SAFB2: variants seen among roughly 807,000 people sequenced by gnomAD.
SAFB2 encodes scaffold attachment factor B2.
Under a neutral mutation model 100.6 loss-of-function variants are expected in SAFB2, and 32 were observed. The ratio of observed to expected loss-of-function variants is 0.32; its 90% CI spans 0.24 to 0.43. The LOEUF (loss-of-function observed/expected upper bound fraction) is 0.43, where lower values mean the gene tolerates loss of function less well. Among genes scored for constraint, SAFB2 ranks in the 20% least tolerant of loss-of-function variants. The probability of loss-of-function intolerance (pLI) is 1.00; values close to 1 mark genes in which losing one functional copy is unlikely to be tolerated. For synonymous variants in SAFB2, 500 were observed against 439.4 expected (o/e 1.14, Z -1.72); for missense variants, 1,185 against 1,163.4 (o/e 1.02, Z -0.27).
intron 9 of SAFB2, among the ~76,000 whole-genome samples, chr19:5,607,259 TCAAAAACAAA>T (rs1423824661): frequency 1.3e-5 from 2 of 151,504 alleles, no homozygotes; most frequent in African/African-American, 4.9e-5. Flanking sequence ...AGACTCCGTC[TCAAAAACAAA>T]CAAAAACAAA....
Position 5,616,405 on chromosome 19 carries a change from A to G in SAFB2, c.339+17T>C. 6.2e-7 allele frequency: 1 copy of G among 1,613,220 alleles called. No homozygotes were observed. Among genetic ancestry groups the G allele is most frequent in the Non-Finnish European group, 8.5e-7 (1 of 1,179,716 alleles). On this transcript the variant is annotated intron_variant, in intron 3 of 20. Coordinates refer to ENST00000252542, the MANE Select transcript of SAFB2 (RefSeq NM_014649.3). Reference sequence around the variant, plus strand: ...CAGGGAGCTGCTGCTTGTCATCTCTACCCTGACATCACTTACCTGCCCGTC... The same window carrying G: ...CAGGGAGCTGCTGCTTGTCATCTCTGCCCTGACATCACTTACCTGCCCGTC...
At chr19:5,616,643 C>CTTTTTTTTTT (rs60033130) in intron 2 of SAFB2, among the ~76,000 whole-genome samples, 157 bp from the exon 3 acceptor site, 1 of 72,808 alleles carries the variant, frequency 1.4e-5, no homozygotes, top group Non-Finnish European at 2.4e-5. Context: ...AATTTGTTTT[C>CTTTTTTTTTT]TTTTTTTTTT....
intron 18 of SAFB2, among the ~76,000 whole-genome samples, chr19:5,589,778 G>C (rs966378084): frequency 1.3e-5 from 2 of 152,222 alleles, no homozygotes; most frequent in Non-Finnish European, 2.9e-5. Flanking sequence ...ACCTGGCCCA[G>C]TGTCCTCAGC....
At chr19:5,593,550 G>C (rs2052462448) in intron 15 of SAFB2, 2 of 249,248 alleles carry the variant, frequency 8.0e-6, no homozygotes, top group Non-Finnish European at 1.5e-5. Context: ...GCCAACTTGG[G>C]CCTAACGGGC....
In SAFB2 at chr19:5,587,822, CAT is replaced by C. The variant is rs757621328; in HGVS notation, c.2638+44_2638+45del. ...CCGTTCCTGGGGAAGCCCCTGGACA[CAT>C]GTGGGGGCCACAGCCACCCTCGTCC... On this transcript the variant is annotated intron_variant, in intron 19 of 20. Transcript: ENST00000252542. The surrounding 1 kb of genome is among the most constrained non-coding windows in gnomAD (Gnocchi z 4.9). 13 of 1,574,604 alleles carry C rather than the reference CAT, an allele frequency of 8.3e-6. No individual in the cohort carries two copies. The highest frequency in any genetic ancestry group is 4.6e-5 in the South Asian group (4 of 86,742).
chr19:5,617,870 A>C (rs1260143712), intron 2 of SAFB2, among the ~76,000 whole-genome samples: 1 of 152,086 alleles, frequency 6.6e-6, no homozygotes, highest in Non-Finnish European at 1.5e-5. Context: ...GTGTAGGCAC[A>C]GTGGTTCACG....
At chr19:5,610,421 G>A in intron 8 of SAFB2, 1 of 598,024 alleles carries the variant, frequency 1.7e-6, no homozygotes, top group South Asian at 2.1e-5. Context: ...CTTGTAATGT[G>A]CTTTTCACCA....
At chr19:5,610,798 T>C (rs1484736717) in intron 7 of SAFB2, 110 bp from the exon 8 acceptor site, 5 of 842,836 alleles carry the variant, frequency 5.9e-6, no homozygotes, top group Non-Finnish European at 9.1e-6. Context: ...TAGTCTGAAA[T>C]AAAATTTTAA....
chr19:5,600,309 A>T (rs775746455), intron 11 of SAFB2, 49 bp from the exon 12 acceptor site: 2 of 1,600,698 alleles, frequency 1.2e-6, no homozygotes, highest in Non-Finnish European at 1.7e-6. Flanking sequence ...ACTCTGTAAC[A>T]GGAACGGCTC....
chr19:5,613,444 C>A (rs1461818128), intron 5 of SAFB2, 21 bp downstream of exon 5: 1 of 1,602,598 alleles, frequency 6.2e-7, no homozygotes, highest in South Asian at 1.1e-5. Context: ...TCCAGCGATG[C>A]AGAACCAGAT....
chr19:5,607,062 C>A lies in SAFB2; in HGVS notation c.1297-2126G>T, dbSNP rs2052791275. On this transcript the variant is annotated intron_variant, in intron 9 of 20. Transcript: ENST00000252542. ...GGATCACGAGGTCAGGAGATCAAGACCATCCTGACTAACACAGTGAAACCC... is the reference window on the plus strand; with the variant it reads ...GGATCACGAGGTCAGGAGATCAAGAACATCCTGACTAACACAGTGAAACCC... 2.6e-5 allele frequency among the ~76,000 whole-genome samples: 4 copies of A among 152,106 alleles called. No homozygotes were observed. The South Asian group carries it at 8.3e-4, about 32-fold the overall frequency.
chr19:5,592,891 T>C lies in SAFB2; in HGVS notation c.2208-4A>G, dbSNP rs757509754. 2.6e-5 allele frequency: 42 copies of C among 1,613,534 alleles called. No individual in the cohort carries two copies. The highest frequency in any genetic ancestry group is 1.6e-4 in the Middle Eastern group (1 of 6,082). ...TGGCCAATAGGCATCATCTCGTCTG[T>C]TGGTTTTTATTTTAAAAGAATACAA... On this transcript the variant is annotated splice_polypyrimidine_tract_variant and splice_region_variant and intron_variant, in intron 15 of 20. Coordinates refer to ENST00000252542, the MANE Select transcript of SAFB2 (RefSeq NM_014649.3).
In SAFB2 at chr19:5,587,108, G is replaced by T; in HGVS notation, c.*135C>A. ...TTATTTAAAAAAAAAAAAAAAGTGA[G>T]TTCACATTGTATTGAGCTACAACAT... On this transcript the variant is annotated 3_prime_UTR_variant, in exon 21 of 21. Coordinates refer to ENST00000252542, the MANE Select transcript of SAFB2 (RefSeq NM_014649.3). This position sits in a 1 kb window ranked among gnomAD's most constrained non-coding sequence, Gnocchi z 4.9. 1.8e-6 allele frequency: 2 copies of T among 1,099,374 alleles called. No individual in the cohort carries two copies. The highest frequency in any genetic ancestry group is 2.6e-6 in the Non-Finnish European group (2 of 779,414). 68.1% of individuals were successfully genotyped at this position (1,099,374 alleles called of 1,614,324 possible).
rs548751633 is a variant in SAFB2 at position 5,594,054 on chromosome 19, T to G, written c.2044A>C (p.Met682Leu). ...CQRQRLERER[M>L]ERERLERERM... ...TCGCGCTCCAGCCGCTCCCGCTCCA[T>G]GCGCTCCCGCTCCAGCCGCTGGCGC... The change falls in exon 15 of 21, where the codon ATG becomes CTG. Residue 682 changes from methionine (M) to leucine (L), a missense_variant. This residue lies in a region of SAFB2 where 740 missense variants were observed against 687.1 expected (regional missense o/e 1.08). Transcript: ENST00000252542. 91 of 1,586,020 alleles carry G rather than the reference T, an allele frequency of 5.7e-5. No homozygotes were observed. The highest frequency in any genetic ancestry group is 5.5e-4 in the Middle Eastern group (3 of 5,438).
chr19:5,607,040 T>C (rs921145519), intron 9 of SAFB2, among the ~76,000 whole-genome samples: 21 of 152,210 alleles, frequency 1.4e-4, no homozygotes, highest in African/African-American at 5.1e-4. Context: ...GGTGGGAGGA[T>C]CACGAGGTCA....
At chr19:5,617,800 C>A (rs1174010213) in intron 2 of SAFB2, among the ~76,000 whole-genome samples, 1 of 152,126 alleles carries the variant, frequency 6.6e-6, no homozygotes. Flanking sequence ...CAATGTCTCA[C>A]AATATTTAAA....
In SAFB2 at chr19:5,611,436, T is replaced by C. The variant is rs1568226211; in HGVS notation, c.829A>G (p.Thr277Ala). 1.3e-5 allele frequency: 5 copies of C among 373,828 alleles called. No individual in the cohort carries two copies. In the Admixed American group the frequency reaches 2.4e-4, roughly 18 times the overall value. The allele number at this position is 373,828 out of a possible 1,614,324, so 23.2% of individuals were successfully genotyped here. Reference sequence around the variant, plus strand: ...GCCTTGCTCGACTGAGCGTGTGCTGTTGACTCGCTGGCCAAATCTAAATCA... The same window carrying C: ...GCCTTGCTCGACTGAGCGTGTGCTGCTGACTCGCTGGCCAAATCTAAATCA... The part of the protein sequence containing the change: ...EGDLDLASES[T>A]AHAQSSKADS... Residue 277 changes from threonine (T) to alanine (A), a missense_variant, in exon 7 of 21, where the codon ACA (threonine) becomes GCA (alanine). Transcript: ENST00000252542.
At chr19:5,617,522 A>AT (rs2053057637) in intron 2 of SAFB2, among the ~76,000 whole-genome samples, 1 of 152,210 alleles carries the variant, frequency 6.6e-6, no homozygotes, top group Non-Finnish European at 1.5e-5. Context: ...CAAAACATAG[A>AT]TATCTGTCCT....
At chr19:5,608,640 G>T (rs1335349812) in intron 9 of SAFB2, among the ~76,000 whole-genome samples, 1 of 152,180 alleles carries the variant, frequency 6.6e-6, no homozygotes, top group Non-Finnish European at 1.5e-5. Context: ...GTGTCAGACA[G>T]GGCCCACTCT....
Sources: allele counts gnomAD v4.1 joint callset (sites outside exome capture counted in the v4.1 genomes callset), GRCh38; gene constraint gnomAD v4.1.1; regional missense constraint gnomAD v4.1.1; non-coding constraint Gnocchi (gnomAD v3.1); transcripts MANE v1.5; gene names NCBI Gene and HGNC (gene_info 2026-07-23, HGNC 2026-07-21).